The following GSE1 variants were observed in gnomAD, a reference collection of about 807,000 sequenced individuals.
GSE1 encodes Gse1 coiled-coil protein.
Under a neutral mutation model 112.6 loss-of-function variants are expected in GSE1, and 32 were observed. That is an observed-to-expected ratio of 0.28 (90% CI 0.21 to 0.38). The LOEUF is 0.38. Ranked by LOEUF, GSE1 falls within the 10% of genes least tolerant of loss-of-function variation. GSE1 has a pLI of 1.00. For missense variants in GSE1, 2,348 were observed against 1,699.2 expected, an observed-to-expected ratio of 1.38 and a Z score of -6.71; for synonymous variants, 1,115 against 735.6, an observed-to-expected ratio of 1.52 and a Z score of -8.35.
chr16:85,624,050 T>C (rs1308940435), intron 1 of GSE1, among the ~76,000 whole-genome samples: 1 of 152,144 alleles, frequency 6.6e-6, no homozygotes, highest in East Asian at 1.9e-4. Context: ...TCCTCCACAC[T>C]GGGGAGAGGA....
At chr16:85,229,647 C>A (rs1383795095) in intron 1 of GSE1, among the ~76,000 whole-genome samples, 1 of 152,218 alleles carries the variant, frequency 6.6e-6, no homozygotes, top group Non-Finnish European at 1.5e-5. Context: ...TGAACCCAGG[C>A]AGGTTGGCTC....
At chr16:85,460,195 C>G (rs893634960) in intron 2 of GSE1, among the ~76,000 whole-genome samples, 1 of 152,194 alleles carries the variant, frequency 6.6e-6, no homozygotes. Flanking sequence ...CAAGGTCAAA[C>G]GGGCTGGCCT....
At chr16:85,331,771 C>T (rs2046380257) in intron 1 of GSE1, among the ~76,000 whole-genome samples, 1 of 143,446 alleles carries the variant, frequency 7.0e-6, no homozygotes, top group African/African-American at 2.6e-5. Context: ...TGGTCTCAAA[C>T]TCCTGACCTC....
At chr16:85,641,059 G>A (rs776998140) in intron 2 of GSE1, among the ~76,000 whole-genome samples, 19 of 152,358 alleles carry the variant, frequency 1.2e-4, no homozygotes, top group Non-Finnish European at 2.1e-4. Context: ...CAGCCTTTGG[G>A]GGCCTGTCCT....
intron 2 of GSE1, among the ~76,000 whole-genome samples, chr16:85,535,146 A>G (rs2044280202): frequency 6.6e-6 from 1 of 152,168 alleles, no homozygotes; most frequent in South Asian, 2.1e-4. Context: ...AGGCTCAGTG[A>G]GGTGGGGCAG....
intron 2 of GSE1, among the ~76,000 whole-genome samples, chr16:85,388,000 A>ATGGG (rs531517368): frequency 1.3e-5 from 1 of 75,640 alleles, no homozygotes; most frequent in Non-Finnish European, 2.7e-5. Context: ...GGGTGGATGG[A>ATGGG]TGGATGGATG....
intron 2 of GSE1, among the ~76,000 whole-genome samples, chr16:85,487,697 C>G (rs1452845852): frequency 1.4e-5 from 2 of 142,398 alleles, no homozygotes; most frequent in East Asian, 4.9e-4. Context: ...AAGCAGGGAG[C>G]TGGGGGCTTG....
chr16:85,556,762 C>CG (rs1235356924), intron 1 of GSE1, among the ~76,000 whole-genome samples: 103 of 143,232 alleles, frequency 7.2e-4, no homozygotes, highest in African/African-American at 2.6e-3. Flanking sequence ...CCCCCCCCCC[C>CG]CAGTCCTGGG....
At chr16:85,197,698 C>T (rs1489544573) in intron 1 of GSE1, among the ~76,000 whole-genome samples, 3 of 152,280 alleles carry the variant, frequency 2.0e-5, no homozygotes, top group South Asian at 2.1e-4. Flanking sequence ...CTGGTCCTGG[C>T]GTCCCCACTC....
At chr16:85,624,286 G>A (rs1251117607) in intron 1 of GSE1, among the ~76,000 whole-genome samples, 1 of 152,230 alleles carries the variant, frequency 6.6e-6, no homozygotes, top group Non-Finnish European at 1.5e-5. Context: ...GAGGGAGGAA[G>A]GGCTCCCACA....
intron 2 of GSE1, among the ~76,000 whole-genome samples, chr16:85,516,754 T>C (rs2051954524): frequency 6.6e-6 from 1 of 151,376 alleles, no homozygotes; most frequent in Non-Finnish European, 1.5e-5. Flanking sequence ...CCTACTAACC[T>C]ACTAACCATG....
chr16:85,259,854 C>T (rs1261005785), intron 1 of GSE1, among the ~76,000 whole-genome samples: 6 of 152,172 alleles, frequency 3.9e-5, no homozygotes, highest in African/African-American at 1.2e-4. Flanking sequence ...GGGTGGCCTC[C>T]GTGCCAGCAT....
chr16:85,261,307 C>A (rs1041206198), intron 1 of GSE1, among the ~76,000 whole-genome samples: 2 of 139,616 alleles, frequency 1.4e-5, no homozygotes, highest in African/African-American at 4.9e-5. Context: ...CTGGTGCCCC[C>A]ACTCACTCAG....
In GSE1 at chr16:85,170,832, C is replaced by T. The variant is rs1331392755; in HGVS notation, c.1308C>T (p.Phe436=). 1.1e-5 allele frequency: 11 copies of T among 985,558 alleles called. No individual in the cohort carries two copies. In the South Asian group the frequency reaches 3.3e-4, roughly 29 times the overall value. 61.1% of individuals were successfully genotyped at this position (985,558 alleles called of 1,614,324 possible). A position where few individuals can be genotyped will look rare whatever the true frequency, so the allele number is the denominator to read the frequency against. ...CCCTCACGCAGCAGTGGCAGAGCTT[C>T]GAGCTGGCCAACGTGCCAGTCCTGC... is the stretch of plus-strand genomic sequence containing the variant. Residue 436 remains phenylalanine, a synonymous_variant, in exon 1 of 3, where the codon TTC becomes TTT. Transcript: ENST00000637419.
At position 85,613,333 on chromosome 16, in the gene GSE1, A is replaced by T; in HGVS notation, c.-59A>T. The T allele has an allele frequency of 6.4e-7, 1 of 1,556,776 alleles. No homozygotes were observed. On this transcript the variant is annotated 5_prime_UTR_variant, in exon 1 of 16. Coordinates refer to ENST00000253458, the MANE Select transcript of GSE1 (RefSeq NM_014615.5). ...CGGGTGAGATAAGCAGTTTAGACAA[A>T]CACTGGGCGACGGTGGCTCCAGCAT... is the stretch of plus-strand genomic sequence containing the variant.
intron 2 of GSE1, among the ~76,000 whole-genome samples, chr16:85,538,419 G>A (rs1255142005): frequency 6.6e-6 from 1 of 152,198 alleles, no homozygotes; most frequent in Non-Finnish European, 1.5e-5. Flanking sequence ...GAGTTTACAA[G>A]TGTGGGGGTA....
intron 1 of GSE1, among the ~76,000 whole-genome samples, chr16:85,320,317 G>C (rs1178829235): frequency 1.3e-5 from 2 of 152,236 alleles, no homozygotes; most frequent in African/African-American, 4.8e-5. Context: ...CGCTCACGCA[G>C]AACACCAGGC....
At chr16:85,614,611 C>G (rs896278608) in intron 1 of GSE1, among the ~76,000 whole-genome samples, 1 of 152,206 alleles carries the variant, frequency 6.6e-6, no homozygotes, top group African/African-American at 2.4e-5. Context: ...CCGCAGTGCC[C>G]GTCTGAGTTC....
chr16:85,192,445 G>A (rs556370896), intron 1 of GSE1, among the ~76,000 whole-genome samples: 2 of 152,316 alleles, frequency 1.3e-5, no homozygotes, highest in East Asian at 1.9e-4. Flanking sequence ...ATGGCCTCAC[G>A]TGGCTCAGCA....
Sources: gnomAD v4.1 joint callset for allele counts (sites outside exome capture counted in the v4.1 genomes callset) on GRCh38, gnomAD v4.1.1 for gene constraint, MANE v1.5 for transcripts, NCBI Gene and HGNC (gene_info 2026-07-23, HGNC 2026-07-21) for gene names.